The following CLEC16A variants were observed in gnomAD, a reference collection of about 807,000 sequenced individuals.
The protein encoded by CLEC16A is protein CLEC16A.
Under a neutral mutation model 109.5 loss-of-function variants are expected in CLEC16A, and 51 were observed. The observed-to-expected ratio is 0.47, with a 90% CI of 0.37 to 0.59. CLEC16A has a LOEUF of 0.59. CLEC16A is among the 20% of genes least tolerant of loss of function. The probability of loss-of-function intolerance (pLI) is 0.00; values close to 1 mark genes in which losing one functional copy is unlikely to be tolerated. For synonymous variants in CLEC16A, 673 were observed against 564.2 expected (o/e 1.19, Z -2.73); for missense variants, 1,339 against 1,394.0 (o/e 0.96, Z 0.63).
At position 10,959,261 on chromosome 16, in the gene CLEC16A, T is replaced by C. The variant is rs1157404450; in HGVS notation, c.209+1351T>C. 2.6e-5 allele frequency among the ~76,000 whole-genome samples: 4 copies of C among 152,352 alleles called. No homozygotes were observed. In the East Asian group the frequency reaches 7.7e-4, roughly 29 times the overall value. On this transcript the variant is annotated intron_variant, in intron 2 of 23. Transcript: ENST00000409790. ...CATCAGCAAGGTTATCCAATAAAGC[T>C]ACTTGTGGAAATGCAGACTCTTTAA...
At chr16:11,080,389 G>A (rs1347993050) in intron 19 of CLEC16A, among the ~76,000 whole-genome samples, 1 of 152,256 alleles carries the variant, frequency 6.6e-6, no homozygotes, top group Non-Finnish European at 1.5e-5. Flanking sequence ...GAGCCTTTGA[G>A]CCAAGGGTTG....
chr16:10,955,925 A>C (rs917139412), intron 1 of CLEC16A, among the ~76,000 whole-genome samples: 1 of 152,222 alleles, frequency 6.6e-6, no homozygotes, highest in Admixed American at 6.5e-5. Flanking sequence ...GGTCTGGGAC[A>C]ACTTACAAAG....
chr16:11,037,518 G>C (rs2047089254), intron 13 of CLEC16A, among the ~76,000 whole-genome samples: 1 of 152,222 alleles, frequency 6.6e-6, no homozygotes, highest in African/African-American at 2.4e-5. Flanking sequence ...CAAGAAAAGA[G>C]CTTGCCCCAG....
chr16:10,967,841 G>A (rs146423431), intron 3 of CLEC16A, among the ~76,000 whole-genome samples: 110 of 152,342 alleles, frequency 7.2e-4, no homozygotes, highest in African/African-American at 2.0e-3. Flanking sequence ...CCAAGTCCAC[G>A]ATTAAACCCA....
chr16:10,993,527 G>T (rs1340923294), intron 10 of CLEC16A, among the ~76,000 whole-genome samples: 1 of 152,224 alleles, frequency 6.6e-6, no homozygotes, highest in Admixed American at 6.5e-5. Flanking sequence ...GATTGCAGGT[G>T]ACTAGCCCCA....
At chr16:11,030,183 G>A (rs1429133461) in intron 13 of CLEC16A, among the ~76,000 whole-genome samples, 1 of 152,190 alleles carries the variant, frequency 6.6e-6, no homozygotes, top group African/African-American at 2.4e-5. Flanking sequence ...GCTGCTGTGA[G>A]CATTTGTGTG....
rs537538441 is a variant in CLEC16A, at chr16:11,136,653, G to A, written c.2641+10507G>A. ...TCTTTCACAAAGACTTTCCCTGGGC[G>A]TTGGTAAAACACCGGGGTGTAATAG... On this transcript the variant is annotated intron_variant, in intron 22 of 23. Coordinates refer to ENST00000409790, the MANE Select transcript of CLEC16A (RefSeq NM_015226.3). Among the ~76,000 whole-genome samples the A allele has an allele frequency of 7.2e-5, 11 of 152,346 alleles. No individual in the cohort carries two copies. The South Asian group carries it at 1.7e-3, about 23-fold the overall frequency.
rs534384689 is a variant in CLEC16A at position 11,170,964 on chromosome 16, G to A, written c.2806+4412G>A. On this transcript the variant is annotated intron_variant, in intron 23 of 23. Coordinates refer to ENST00000409790, the MANE Select transcript of CLEC16A (RefSeq NM_015226.3). ...GGGGATGAGGGGTTGGTGAGGCCCT[G>A]GTCCGTGAGGAAGGTGGCCTTTGGG... Among the ~76,000 whole-genome samples, 5 of 152,320 alleles carry A rather than the reference G, an allele frequency of 3.3e-5. No individual in the cohort carries two copies. In the South Asian group the frequency reaches 1.0e-3, roughly 32 times the overall value.
chr16:10,995,541 C>G (rs1020963642), intron 10 of CLEC16A, among the ~76,000 whole-genome samples: 2 of 152,172 alleles, frequency 1.3e-5, no homozygotes, highest in Non-Finnish European at 1.5e-5. Flanking sequence ...CTTTAAAAGC[C>G]CCTCCCCTGC....
chr16:10,984,860 C>T (rs182367431), intron 10 of CLEC16A, among the ~76,000 whole-genome samples: 1 of 152,312 alleles, frequency 6.6e-6, no homozygotes, highest in Admixed American at 6.5e-5. Context: ...ATTTAGAAAA[C>T]AGGCAGCGCA....
At chr16:11,014,933 A>G (rs1227729643) in intron 11 of CLEC16A, among the ~76,000 whole-genome samples, 6 of 152,150 alleles carry the variant, frequency 3.9e-5, no homozygotes, top group Non-Finnish European at 8.8e-5. Flanking sequence ...GTCCTCTTTG[A>G]TGTCCTCTTC....
chr16:10,996,442 A>T (rs1371526862), intron 10 of CLEC16A, among the ~76,000 whole-genome samples: 2 of 152,168 alleles, frequency 1.3e-5, no homozygotes, highest in Non-Finnish European at 2.9e-5. Context: ...GTAAAAGGTG[A>T]GTGGCTTCTG....
intron 19 of CLEC16A, among the ~76,000 whole-genome samples, chr16:11,082,345 T>C (rs1481815458): frequency 6.6e-6 from 1 of 152,208 alleles, no homozygotes; most frequent in African/African-American, 2.4e-5. Context: ...ACTTCCCCAT[T>C]GAGGCTGTTC....
At chr16:11,024,694 A>C in intron 12 of CLEC16A, 127 bp from the exon 13 acceptor site, 1 of 683,258 alleles carries the variant, frequency 1.5e-6, no homozygotes, top group East Asian at 2.8e-5. Context: ...GTGGTGCTGG[A>C]CCAGGCACAC....
rs530142744 is a variant in CLEC16A at position 11,061,607 on chromosome 16, T to C, written c.2116+585T>C. Among the ~76,000 whole-genome samples the C allele has an allele frequency of 5.3e-5, 8 of 152,316 alleles. No individual in the cohort carries two copies. The East Asian group carries it at 1.4e-3, about 26-fold the overall frequency. ...AGCCTGACCGTGTTCCTGGAACCCC[T>C]CTCGTATTTGTATAGCTTTCTCTTT... is the stretch of plus-strand genomic sequence containing the variant. On this transcript the variant is annotated intron_variant, in intron 19 of 23. Transcript: ENST00000409790.
chr16:10,996,506 TC>T (rs1014134277), intron 10 of CLEC16A, among the ~76,000 whole-genome samples: 3 of 152,160 alleles, frequency 2.0e-5, no homozygotes, highest in Non-Finnish European at 2.9e-5. Context: ...TTCCTACTAT[TC>T]TTTCCTTCCT....
intron 11 of CLEC16A, among the ~76,000 whole-genome samples, chr16:11,017,091 C>G (rs999487304): frequency 2.6e-5 from 4 of 152,004 alleles, no homozygotes; most frequent in African/African-American, 4.8e-5. Flanking sequence ...CATGAGATAT[C>G]TCCCCACGAG....
chr16:11,121,794 C>A (rs967939228), intron 20 of CLEC16A, among the ~76,000 whole-genome samples: 1 of 146,368 alleles, frequency 6.8e-6, no homozygotes, highest in African/African-American at 2.5e-5. Context: ...GCACGAGAAT[C>A]GCTTGAACCC....
chr16:11,055,611 C>T (rs1406297526), intron 18 of CLEC16A, among the ~76,000 whole-genome samples: 6 of 45,158 alleles, frequency 1.3e-4, no homozygotes, highest in African/African-American at 5.7e-4. Flanking sequence ...TTTTTTGAGA[C>T]GAGTCTCAGT....
Sources: gnomAD v4.1 joint callset for allele counts (sites outside exome capture counted in the v4.1 genomes callset) on GRCh38, gnomAD v4.1.1 for gene constraint, MANE v1.5 for transcripts, NCBI Gene and HGNC (gene_info 2026-07-23, HGNC 2026-07-21) for gene names.